Variants in SEMA3A observed in about 807,000 individuals in gnomAD.
The protein encoded by SEMA3A is semaphorin-3A.
SEMA3A carries 29 observed loss-of-function variants against 97.9 expected under a neutral mutation model. The observed-to-expected ratio is 0.30, with a 90% CI of 0.22 to 0.40. The LOEUF (loss-of-function observed/expected upper bound fraction) is 0.40. Ranked by LOEUF, SEMA3A falls within the 10% of genes least tolerant of loss-of-function variation. The probability of loss-of-function intolerance (pLI) is 1.00; values close to 1 mark genes in which losing one functional copy is unlikely to be tolerated. For missense variants in SEMA3A, 763 were observed against 951.3 expected, an observed-to-expected ratio of 0.80 and a Z score of 2.60; for synonymous variants, 321 against 323.7, an observed-to-expected ratio of 0.99 and a Z score of 0.09.
chr7:84,436,047 G>A (rs1805119722), intron 1 of SEMA3A, among the ~76,000 whole-genome samples: 1 of 151,992 alleles, frequency 6.6e-6, no homozygotes, highest in African/African-American at 2.4e-5. Flanking sequence ...ACTATCTGAT[G>A]TTCAAAAAAG....
intron 1 of SEMA3A, among the ~76,000 whole-genome samples, chr7:84,441,538 T>A (rs932175160): frequency 6.6e-6 from 1 of 151,844 alleles, no homozygotes; most frequent in Non-Finnish European, 1.5e-5. Context: ...AACTGAACAA[T>A]GCCTTAGAGA....
intron 1 of SEMA3A, among the ~76,000 whole-genome samples, chr7:84,424,523 TTA>T (rs1428980707): frequency 9.4e-5 from 7 of 74,232 alleles, no homozygotes; most frequent in East Asian, 8.3e-4. Flanking sequence ...TTAATATATG[TTA>T]TATATAATAT....
intron 3 of SEMA3A, among the ~76,000 whole-genome samples, chr7:84,221,469 C>A (rs2116337354): frequency 6.6e-6 from 1 of 152,234 alleles, no homozygotes; most frequent in East Asian, 1.9e-4. Flanking sequence ...GGGCCTATCT[C>A]AGCTTTCAAC....
intron 3 of SEMA3A, among the ~76,000 whole-genome samples, chr7:84,270,623 A>ATATATTCTATTCATATATATGCATC (rs1353165959): frequency 6.8e-6 from 1 of 147,794 alleles, no homozygotes; most frequent in Non-Finnish European, 1.5e-5. Context: ...ATATATGCAT[A>ATATATTCTATTCATATATATGCATC]TATATTCTAT....
intron 1 of SEMA3A, among the ~76,000 whole-genome samples, chr7:84,373,331 C>A (rs1357293828): frequency 6.6e-6 from 1 of 152,152 alleles, no homozygotes; most frequent in African/African-American, 2.4e-5. Context: ...AATCAGTCAT[C>A]TACAACCTTG....
intron 3 of SEMA3A, among the ~76,000 whole-genome samples, chr7:84,253,793 G>A (rs1420090741): frequency 6.6e-6 from 1 of 152,070 alleles, no homozygotes; most frequent in Non-Finnish European, 1.5e-5. Flanking sequence ...AAGAATCTCT[G>A]GGCAGCATTA....
rs1324621826 is a variant in SEMA3A, at chr7:84,063,919, C to T, written c.454-3361G>A. On this transcript the variant is annotated intron_variant, in intron 4 of 16. Transcript: ENST00000265362. ...ATTGAGATTCAGGAAATACAGAGAA[C>T]GCCACAAAGATACTCCTCGAGAAGA... Among the ~76,000 whole-genome samples, 581 of 150,388 alleles carry T rather than the reference C, an allele frequency of 3.9e-3. 3 individuals carry two copies. Among genetic ancestry groups the T allele is most frequent in the African/African-American group, 0.013 (517 of 40,404 alleles).
At chr7:84,149,606 T>C (rs188684665) in intron 1 of SEMA3A, among the ~76,000 whole-genome samples, 24 of 152,334 alleles carry the variant, frequency 1.6e-4, no homozygotes, top group Admixed American at 8.5e-4. Flanking sequence ...TTACCTCTTA[T>C]AGATTGGGCA....
chr7:84,170,931 C>T (rs977432060), intron 1 of SEMA3A, among the ~76,000 whole-genome samples: 8 of 151,924 alleles, frequency 5.3e-5, no homozygotes, highest in Non-Finnish European at 8.8e-5. Context: ...TAAACTGGAC[C>T]GTGTAAGAAC....
At chr7:84,370,878 C>T (rs966637308) in intron 2 of SEMA3A, among the ~76,000 whole-genome samples, 1 of 151,044 alleles carries the variant, frequency 6.6e-6, no homozygotes, top group Admixed American at 6.6e-5. Context: ...TAAGTTTTTC[C>T]ATGCTAACAA....
chr7:84,434,289 C>T (rs78906724), intron 1 of SEMA3A, among the ~76,000 whole-genome samples: 1 of 148,240 alleles, frequency 6.7e-6, no homozygotes, highest in South Asian at 2.2e-4. Context: ...TGGAAACACA[C>T]ACGAACTCCT....
chr7:84,169,381 C>G (rs1180086059), intron 1 of SEMA3A, among the ~76,000 whole-genome samples: 1 of 150,602 alleles, frequency 6.6e-6, no homozygotes, highest in Non-Finnish European at 1.5e-5. Context: ...ATATAACATA[C>G]TATTGTAAAA....
Position 83,956,640 on chromosome 7 carries a change from G to A in SEMA3A, c.*4731C>T, listed in dbSNP as rs899592459. 2 of 152,092 alleles carry A rather than the reference G, an allele frequency of 1.3e-5. No homozygotes were observed. The highest frequency in any genetic ancestry group is 2.9e-5 in the Non-Finnish European group (2 of 67,996). 9.4% of individuals were successfully genotyped at this position (152,092 alleles called of 1,614,324 possible). A position where few individuals can be genotyped will look rare whatever the true frequency, so the allele number is the denominator to read the frequency against. Reference sequence around the variant, plus strand: ...GATGCGAATGTGGGGTACAAACAGAGGGCAATAAATCAAAACCCAGGAAAA... The same window carrying A: ...GATGCGAATGTGGGGTACAAACAGAAGGCAATAAATCAAAACCCAGGAAAA... On this transcript the variant is annotated 3_prime_UTR_variant, in exon 17 of 17. Transcript: ENST00000265362.
chr7:84,462,194 C>A (rs1805863706), intron 1 of SEMA3A, among the ~76,000 whole-genome samples: 1 of 151,756 alleles, frequency 6.6e-6, no homozygotes, highest in Admixed American at 6.6e-5. Context: ...TGATTTTTTT[C>A]TCATAAAAAT....
chr7:84,304,147 G>A (rs1212351024), intron 3 of SEMA3A, among the ~76,000 whole-genome samples: 1 of 152,098 alleles, frequency 6.6e-6, no homozygotes, highest in Non-Finnish European at 1.5e-5. Flanking sequence ...TTCAAAAGAA[G>A]CTCCTCATGG....
At chr7:84,394,101 T>C (rs990183336) in intron 1 of SEMA3A, among the ~76,000 whole-genome samples, 2 of 152,106 alleles carry the variant, frequency 1.3e-5, no homozygotes, top group African/African-American at 4.8e-5. Context: ...TCTACAGCTA[T>C]GGAAACTATT....
chr7:84,455,259 T>C (rs1805661078), intron 1 of SEMA3A, among the ~76,000 whole-genome samples: 1 of 151,958 alleles, frequency 6.6e-6, no homozygotes, highest in African/African-American at 2.4e-5. Flanking sequence ...AACAGGTAGT[T>C]TAAGATTAAA....
chr7:84,108,991 G>A (rs1795201252), intron 4 of SEMA3A, among the ~76,000 whole-genome samples: 1 of 151,740 alleles, frequency 6.6e-6, no homozygotes, highest in Admixed American at 6.6e-5. Flanking sequence ...TGTAAAAAGT[G>A]CAATATCATG....
At chr7:84,312,872 T>TTATATATATATA (rs377261705) in intron 2 of SEMA3A, among the ~76,000 whole-genome samples, 1 of 48,850 alleles carries the variant, frequency 2.0e-5, no homozygotes, top group Non-Finnish European at 3.5e-5. Flanking sequence ...TGGTGTTGTT[T>TTATATATATATA]TATATATATA....
Sources: allele counts gnomAD v4.1 joint callset (sites outside exome capture counted in the v4.1 genomes callset), GRCh38; gene constraint gnomAD v4.1.1; transcripts MANE v1.5; gene names NCBI Gene and HGNC (gene_info 2026-07-23, HGNC 2026-07-21).